Variants in ADCY9 observed in about 807,000 individuals in gnomAD.
ADCY9 encodes the protein adenylate cyclase type 9.
A neutral mutation model predicts 101.5 loss-of-function variants in ADCY9; 50 were observed. That is an observed-to-expected ratio of 0.49 (90% confidence interval 0.39 to 0.62). ADCY9 has a LOEUF of 0.62. ADCY9 is among the 20% of genes least tolerant of loss of function. ADCY9 has a pLI of 0.00. For missense variants in ADCY9, 1,662 were observed against 1,800.4 expected, an observed-to-expected ratio of 0.92 and a Z score of 1.39; for synonymous variants, 905 against 769.3, an observed-to-expected ratio of 1.18 and a Z score of -2.92.
chr16:4,099,155 A>C (rs951351746), intron 2 of ADCY9, among the ~76,000 whole-genome samples: 1 of 151,086 alleles, frequency 6.6e-6, no homozygotes, highest in African/African-American at 2.4e-5. Context: ...CTGGTCTCAA[A>C]CTCCTGACCT....
chr16:3,974,666 T>G lies in ADCY9; in HGVS notation c.2870+3A>C. On this transcript the variant is annotated splice_donor_region_variant and intron_variant, in intron 10 of 10. Coordinates refer to ENST00000294016, the MANE Select transcript of ADCY9 (RefSeq NM_001116.4). The stretch of plus-strand genomic sequence containing the variant: ...AGACAGAAGTGCAATATTAAAAGCT[T>G]ACCTGAAATTCTGTACTGCGTCAAG... 6.2e-7 allele frequency: 1 copy of G among 1,611,210 alleles called. No individual in the cohort carries two copies. Among genetic ancestry groups the G allele is most frequent in the South Asian group, 1.1e-5 (1 of 90,942 alleles).
chr16:3,970,136 A>G (rs1236855661), intron 10 of ADCY9, among the ~76,000 whole-genome samples: 1 of 152,048 alleles, frequency 6.6e-6, no homozygotes, highest in Non-Finnish European at 1.5e-5. Context: ...CTTGGTCACT[A>G]TATACTTATA....
intron 2 of ADCY9, among the ~76,000 whole-genome samples, chr16:4,108,810 A>G (rs919737727): frequency 1.3e-5 from 2 of 151,056 alleles, no homozygotes; most frequent in African/African-American, 2.4e-5. Context: ...GGTTCAAGCA[A>G]TTCTCCTGCC....
At chr16:4,066,373 A>C (rs1811093536) in intron 2 of ADCY9, among the ~76,000 whole-genome samples, 1 of 152,032 alleles carries the variant, frequency 6.6e-6, no homozygotes, top group African/African-American at 2.4e-5. Context: ...CTAGTGACTG[A>C]GCAGTGATTT....
chr16:3,992,060 G>C lies in ADCY9; in HGVS notation c.2207+86C>G. 1.5e-6 allele frequency: 2 copies of C among 1,353,960 alleles called. No homozygotes were observed. Among genetic ancestry groups the C allele is most frequent in the Non-Finnish European group, 2.1e-6 (2 of 971,806 alleles). The allele number at this position is 1,353,960 out of a possible 1,614,324, so 83.9% of individuals were successfully genotyped here. A position where few individuals can be genotyped will look rare whatever the true frequency, so the allele number is the denominator to read the frequency against. Reference sequence around the variant, plus strand: ...CACTGCAGCCTGGATGACAGAGCGAGACTCAGTCTTAAAGAAAAGAAAAGA... The same window carrying C: ...CACTGCAGCCTGGATGACAGAGCGACACTCAGTCTTAAAGAAAAGAAAAGA... On this transcript the variant is annotated intron_variant, in intron 5 of 10. Coordinates refer to ENST00000294016, the MANE Select transcript of ADCY9 (RefSeq NM_001116.4). This position sits in a 1 kb window ranked among gnomAD's most constrained non-coding sequence, Gnocchi z 4.2.
intron 3 of ADCY9, among the ~76,000 whole-genome samples, chr16:3,999,513 C>T (rs2056315410): frequency 6.6e-6 from 1 of 152,182 alleles, no homozygotes; most frequent in Non-Finnish European, 1.5e-5. Flanking sequence ...ACCTTGCTCT[C>T]CTGGGCCTTG....
intron 2 of ADCY9, among the ~76,000 whole-genome samples, chr16:4,020,731 C>A (rs545734289): frequency 9.7e-4 from 147 of 150,992 alleles, no homozygotes; most frequent in African/African-American, 3.2e-3. Flanking sequence ...GAGGCTGAGG[C>A]AGGAGAATGG....
rs1417906011 is a variant in ADCY9 at position 4,115,924 on chromosome 16, C to T, written c.-278G>A. The T allele has an allele frequency of 5.1e-6, 2 of 388,738 alleles. No individual in the cohort carries two copies. Among genetic ancestry groups the T allele is most frequent in the Non-Finnish European group, 9.1e-6 (2 of 219,896 alleles). 24.1% of individuals were successfully genotyped at this position (388,738 alleles called of 1,614,324 possible). On this transcript the variant is annotated 5_prime_UTR_variant, in exon 1 of 11. Transcript: ENST00000294016. The surrounding 1 kb of genome is among the most constrained non-coding windows in gnomAD (Gnocchi z 6.2). The stretch of plus-strand genomic sequence containing the variant: ...CGCTGGCGGCGCGGAGCCCTCCATC[C>T]TGCAGGAGCCGCGCTCCGATGCGTC...
chr16:3,980,171 G>A (rs1234822974), intron 7 of ADCY9, among the ~76,000 whole-genome samples: 3 of 152,214 alleles, frequency 2.0e-5, no homozygotes, highest in South Asian at 2.1e-4. Context: ...CCAGCACCAC[G>A]TATTTCATTT....
At chr16:4,085,864 G>C (rs920393455) in intron 2 of ADCY9, among the ~76,000 whole-genome samples, 1 of 152,006 alleles carries the variant, frequency 6.6e-6, no homozygotes, top group African/African-American at 2.4e-5. Flanking sequence ...GGGACAACCA[G>C]TGTGGTCCTT....
At chr16:4,091,867 G>A (rs1213040644) in intron 2 of ADCY9, among the ~76,000 whole-genome samples, 1 of 152,218 alleles carries the variant, frequency 6.6e-6, no homozygotes. Flanking sequence ...TGATGAAAAC[G>A]CTTCGGAATT....
chr16:4,075,075 G>A (rs1471313011), intron 2 of ADCY9, among the ~76,000 whole-genome samples: 1 of 152,196 alleles, frequency 6.6e-6, no homozygotes, highest in Non-Finnish European at 1.5e-5. Flanking sequence ...TACTCAGGAA[G>A]CTGAGGTAGG....
chr16:4,055,561 C>T (rs1227769801), intron 2 of ADCY9, among the ~76,000 whole-genome samples: 5 of 150,754 alleles, frequency 3.3e-5, no homozygotes, highest in African/African-American at 9.8e-5. Flanking sequence ...AGGCCAGACG[C>T]GGTGGCTCAC....
chr16:4,024,436 T>C (rs1045888171), intron 2 of ADCY9, among the ~76,000 whole-genome samples: 1 of 152,262 alleles, frequency 6.6e-6, no homozygotes, highest in Non-Finnish European at 1.5e-5. Flanking sequence ...GAATGTCTTA[T>C]TGTACGACGT....
At chr16:4,039,107 T>C (rs1019613169) in intron 2 of ADCY9, among the ~76,000 whole-genome samples, 9 of 152,182 alleles carry the variant, frequency 5.9e-5, no homozygotes, top group Admixed American at 4.6e-4. Context: ...AGTCTGTGAA[T>C]AGGTACTACT....
intron 2 of ADCY9, among the ~76,000 whole-genome samples, chr16:4,045,242 T>G (rs2056654493): frequency 6.6e-6 from 1 of 152,134 alleles, no homozygotes; most frequent in Admixed American, 6.6e-5. Flanking sequence ...ATAAAGTGAC[T>G]GCTATGAAAA....
downstream of ADCY9, among the ~76,000 whole-genome samples, chr16:3,962,335 T>C (rs1448481823): frequency 6.6e-6 from 1 of 152,198 alleles, no homozygotes; most frequent in Non-Finnish European, 1.5e-5. Flanking sequence ...TGCAGAAAAC[T>C]ATTTAGGAGG....
rs763810376 is a variant in ADCY9 at position 3,966,364 on chromosome 16, C to G, written c.3473G>C (p.Trp1158Ser). 1 of 1,614,114 alleles carries G rather than the reference C, an allele frequency of 6.2e-7. No homozygotes were observed. The highest frequency in any genetic ancestry group is 2.2e-5 in the East Asian group (1 of 44,866). The change falls in exon 11 of 11, where the codon TGG (tryptophan) becomes TCG (serine). Residue 1158 changes from tryptophan (W) to serine (S), a missense_variant. Transcript: ENST00000294016. ...GCCGACGCGGAGCTTGAAGTTGAAC[C>G]ACAGCATGTTGTTGTTGAAGTCGTC... ...VVDDFNNNML[W>S]FNFKLRVGFN... is the part of the protein sequence containing the mutation.
rs1488291629 is a variant in ADCY9, at chr16:3,983,227, C to A, written c.2519+5G>T. 3 of 1,548,292 alleles carry A rather than the reference C, an allele frequency of 1.9e-6. No individual in the cohort carries two copies. In the African/African-American group the frequency reaches 4.1e-5, roughly 21 times the overall value. On this transcript the variant is annotated splice_donor_5th_base_variant and intron_variant, in intron 7 of 10. Transcript: ENST00000294016. ...AGCTGGAGACCCAGTCCACGCGGCG[C>A]TTACCTGATGGACACCGCGAGGGAC...
Sources: gnomAD v4.1 joint callset for allele counts (sites outside exome capture counted in the v4.1 genomes callset) on GRCh38, gnomAD v4.1.1 for gene constraint, Gnocchi (gnomAD v3.1) non-coding constraint, MANE v1.5 for transcripts, NCBI Gene and HGNC (gene_info 2026-07-23, HGNC 2026-07-21) for gene names.